Variants in NTSR1 observed in about 807,000 individuals in gnomAD.
NTSR1 encodes the protein neurotensin receptor 1.
A neutral mutation model predicts 31.2 loss-of-function variants in NTSR1; 29 were observed. The observed-to-expected ratio is 0.93, with a 90% confidence interval of 0.69 to 1.27. NTSR1 has a LOEUF of 1.27. NTSR1 is among the 50% of genes most tolerant of loss of function. The pLI, the probability that NTSR1 is intolerant of heterozygous loss-of-function variation, is 0.00. For missense variants in NTSR1, 697 were observed against 595.4 expected (o/e 1.17, Z -1.78); for synonymous variants, 282 against 269.9 (o/e 1.04, Z -0.44).
At position 62,758,261 on chromosome 20, in the gene NTSR1, C is replaced by T; in HGVS notation, c.917-5C>T. ...GGTCTCTGAGCCCACGTCTCTGTGC[C>T]TCAGGTGCAGTGGTCATCGCCTTTG... On this transcript the variant is annotated splice_region_variant and splice_polypyrimidine_tract_variant and intron_variant, in intron 2 of 3. Transcript: ENST00000370501. The surrounding 1 kb of genome is among the most constrained non-coding windows in gnomAD (Gnocchi z 4.5). The T allele has an allele frequency of 2.5e-6, 4 of 1,611,504 alleles. No individual in the cohort carries two copies. The highest frequency in any genetic ancestry group is 3.4e-6 in the Non-Finnish European group (4 of 1,179,018).
chr20:62,725,479 C>A (rs180816097), intron 1 of NTSR1, among the ~76,000 whole-genome samples: 1 of 152,200 alleles, frequency 6.6e-6, no homozygotes, highest in Admixed American at 6.5e-5. Flanking sequence ...CGCTGCCTTC[C>A]GGTCCCATCA....
chr20:62,737,493 T>TGG (rs1989117957), intron 1 of NTSR1, among the ~76,000 whole-genome samples: 1 of 152,138 alleles, frequency 6.6e-6, no homozygotes, highest in Admixed American at 6.5e-5. Context: ...GTGACCTCTG[T>TGG]GGGGCCACTT....
chr20:62,722,336 TA>T (rs1344780808), intron 1 of NTSR1, among the ~76,000 whole-genome samples: 1 of 152,228 alleles, frequency 6.6e-6, no homozygotes, highest in Non-Finnish European at 1.5e-5. Flanking sequence ...GGCCTTGCTC[TA>T]GGGCTTCTCC....
intron 1 of NTSR1, among the ~76,000 whole-genome samples, chr20:62,723,533 G>T (rs1988857892): frequency 6.6e-6 from 1 of 152,232 alleles, no homozygotes; most frequent in African/African-American, 2.4e-5. Context: ...GCTGTCGGGG[G>T]TCACTATTTA....
At chr20:62,739,346 C>A (rs767574371) in intron 1 of NTSR1, among the ~76,000 whole-genome samples, 6 of 152,352 alleles carry the variant, frequency 3.9e-5, no homozygotes, top group South Asian at 4.1e-4. Context: ...CTGGCCCTTC[C>A]TTTCGGCCAC....
intron 1 of NTSR1, among the ~76,000 whole-genome samples, chr20:62,721,337 AT>A (rs1988824967): frequency 6.6e-6 from 1 of 152,164 alleles, no homozygotes; most frequent in Non-Finnish European, 1.5e-5. Context: ...GGTGGCATAT[AT>A]TGATTCTCTT....
intron 1 of NTSR1, among the ~76,000 whole-genome samples, chr20:62,737,640 C>T (rs1365535675): frequency 1.3e-5 from 2 of 152,052 alleles, no homozygotes; most frequent in East Asian, 1.9e-4. Flanking sequence ...CGCTGCGATC[C>T]TCCTTCCTTC....
At chr20:62,725,870 C>T (rs1464253922) in intron 1 of NTSR1, among the ~76,000 whole-genome samples, 1 of 152,006 alleles carries the variant, frequency 6.6e-6, no homozygotes, top group Non-Finnish European at 1.5e-5. Context: ...TAGCAGTGCC[C>T]AGGATCACCC....
In NTSR1 at chr20:62,760,548, A is replaced by C; in HGVS notation, c.*281A>C. On this transcript the variant is annotated 3_prime_UTR_variant, in exon 4 of 4. Transcript: ENST00000370501. Reference sequence around the variant, plus strand: ...CCAGATAGGAAAAGGGCCTCTAACAAGGAGAAATTAGTGTGCGGCAAAAGG... The same window carrying C: ...CCAGATAGGAAAAGGGCCTCTAACACGGAGAAATTAGTGTGCGGCAAAAGG... 2.6e-6 allele frequency: 1 copy of C among 382,400 alleles called. No individual in the cohort carries two copies. The highest frequency in any genetic ancestry group is 4.7e-6 in the Non-Finnish European group (1 of 211,006). The allele number at this position is 382,400 out of a possible 1,614,324, so 23.7% of individuals were successfully genotyped here.
At chr20:62,759,972 C>A in intron 3 of NTSR1, 46 bp from the exon 4 acceptor site, 2 of 1,600,404 alleles carry the variant, frequency 1.2e-6, no homozygotes, top group South Asian at 1.1e-5. Flanking sequence ...GCCTTGGGGC[C>A]CTCAAGAGTT....
chr20:62,719,466 A>T (rs56035620), intron 1 of NTSR1, among the ~76,000 whole-genome samples: 1 of 149,492 alleles, frequency 6.7e-6, no homozygotes, highest in African/African-American at 2.5e-5. Context: ...ACATCGTCAT[A>T]CGATCATCCC....
At chr20:62,725,381 GAC>G (rs1264805197) in intron 1 of NTSR1, among the ~76,000 whole-genome samples, 1 of 152,266 alleles carries the variant, frequency 6.6e-6, no homozygotes, top group Non-Finnish European at 1.5e-5. Flanking sequence ...GGCCATGCGA[GAC>G]ACAGTGGGAA....
chr20:62,762,085 C>T lies in NTSR1; in HGVS notation c.*1818C>T, dbSNP rs545332107. The T allele has an allele frequency of 6.6e-6, 1 of 152,452 alleles. No homozygotes were observed. The highest frequency in any genetic ancestry group is 2.4e-5 in the African/African-American group (1 of 41,568). 9.4% of individuals were successfully genotyped at this position (152,452 alleles called of 1,614,324 possible). ...AGCTTTGCTGCCAGCCAGGGATGTC[C>T]AGAGGTCAGTGCAGCCCCTACCCCT... On this transcript the variant is annotated 3_prime_UTR_variant, in exon 4 of 4. Coordinates refer to ENST00000370501, the MANE Select transcript of NTSR1 (RefSeq NM_002531.3).
At chr20:62,738,198 G>A (rs958680980) in intron 1 of NTSR1, among the ~76,000 whole-genome samples, 2 of 152,218 alleles carry the variant, frequency 1.3e-5, no homozygotes, top group African/African-American at 4.8e-5. Flanking sequence ...CTAGATGGCC[G>A]GCCTGGATGA....
chr20:62,727,659 G>C (rs1031822512), intron 1 of NTSR1, among the ~76,000 whole-genome samples: 80 of 152,220 alleles, frequency 5.3e-4, no homozygotes, highest in Non-Finnish European at 1.0e-4. Flanking sequence ...GGAGGCGGGA[G>C]TGCCTGAGCC....
At position 62,758,441 on chromosome 20, in the gene NTSR1, G is replaced by A. The variant is rs1427913515; in HGVS notation, c.1007+85G>A. The stretch of plus-strand genomic sequence containing the variant: ...GTGGGTGTGGCAGGCACTGCTGAGG[G>A]GATCCACTCAGGGCAGGGGTGTGGT... On this transcript the variant is annotated intron_variant, in intron 3 of 3. Coordinates refer to ENST00000370501, the MANE Select transcript of NTSR1 (RefSeq NM_002531.3). This position sits in a 1 kb window ranked among gnomAD's most constrained non-coding sequence, Gnocchi z 4.5. 7.9e-7 allele frequency: 1 copy of A among 1,266,056 alleles called. No individual in the cohort carries two copies. The highest frequency in any genetic ancestry group is 1.8e-5 in the Admixed American group (1 of 55,152). 78.4% of individuals were successfully genotyped at this position (1,266,056 alleles called of 1,614,324 possible).
chr20:62,735,712 C>CT (rs1440322101), intron 1 of NTSR1, among the ~76,000 whole-genome samples: 1 of 151,978 alleles, frequency 6.6e-6, no homozygotes, highest in Non-Finnish European at 1.5e-5. Context: ...GGAGTCCCCC[C>CT]GACACGGCGA....
rs1050957212 is a variant in NTSR1, at chr20:62,715,386, A to G, written c.714+5465A>G. 6.6e-6 allele frequency among the ~76,000 whole-genome samples: 1 copy of G among 152,224 alleles called. No homozygotes were observed. The highest frequency in any genetic ancestry group is 1.5e-5 in the Non-Finnish European group (1 of 68,036). On this transcript the variant is annotated intron_variant, in intron 1 of 3. Coordinates refer to ENST00000370501, the MANE Select transcript of NTSR1 (RefSeq NM_002531.3). The surrounding 1 kb of genome is among the most constrained non-coding windows in gnomAD (Gnocchi z 4.7). ...AAGCAGAGGGCAGAGCCACCTGTGC[A>G]CATCACGTGGCTGGAGAGAGACAGG...
At position 62,760,427 on chromosome 20, in the gene NTSR1, A is replaced by C. The variant is rs1235224758; in HGVS notation, c.*160A>C. 4.1e-5 allele frequency: 21 copies of C among 513,394 alleles called. No individual in the cohort carries two copies. The highest frequency in any genetic ancestry group is 5.4e-5 in the Non-Finnish European group (18 of 331,808). The allele number at this position is 513,394 out of a possible 1,614,324, so 31.8% of individuals were successfully genotyped here. A position where few individuals can be genotyped will look rare whatever the true frequency, so the allele number is the denominator to read the frequency against. On this transcript the variant is annotated 3_prime_UTR_variant, in exon 4 of 4. Coordinates refer to ENST00000370501, the MANE Select transcript of NTSR1 (RefSeq NM_002531.3). ...ACCCCCCCCTCCCACCCCCTAACCCATGTTTCTCATTAGTGTCTCCCGGGC... is the reference window on the plus strand; with the variant it reads ...ACCCCCCCCTCCCACCCCCTAACCCCTGTTTCTCATTAGTGTCTCCCGGGC...
Sources: gnomAD v4.1 joint callset for allele counts (sites outside exome capture counted in the v4.1 genomes callset) on GRCh38, gnomAD v4.1.1 for gene constraint, Gnocchi (gnomAD v3.1) non-coding constraint, MANE v1.5 for transcripts, NCBI Gene and HGNC (gene_info 2026-07-23, HGNC 2026-07-21) for gene names.